SUMF1: variants seen among roughly 807,000 people sequenced by gnomAD.
The protein encoded by SUMF1 is sulfatase modifying factor 1, also known as formylglycine-generating enzyme.
SUMF1 carries 48 observed loss-of-function variants against 47.6 expected under a neutral mutation model. The ratio of observed to expected loss-of-function variants is 1.01; its 90% confidence interval spans 0.80 to 1.28. The LOEUF (loss-of-function observed/expected upper bound fraction) is 1.28. Among genes scored for constraint, SUMF1 ranks in the 50% most tolerant of loss-of-function variants. SUMF1 has a pLI of 0.00. For synonymous variants in SUMF1, 230 were observed against 192.1 expected (o/e 1.20, Z -1.63); for missense variants, 571 against 485.4 (o/e 1.18, Z -1.66).
downstream of SUMF1, among the ~76,000 whole-genome samples, chr3:4,358,387 T>C (rs948123452): frequency 1.3e-5 from 2 of 151,930 alleles, no homozygotes; most frequent in Admixed American, 6.6e-5. Context: ...AACAAAACAG[T>C]TTTTTAATAC....
At chr3:4,231,567 G>A (rs1329850507) in intron 8 of SUMF1, among the ~76,000 whole-genome samples, 1 of 152,140 alleles carries the variant, frequency 6.6e-6, no homozygotes, top group Non-Finnish European at 1.5e-5. Flanking sequence ...AGAGGTATCT[G>A]CTATCCTAAT....
chr3:4,209,050 G>A (rs941452798), intron 8 of SUMF1, among the ~76,000 whole-genome samples: 1 of 152,050 alleles, frequency 6.6e-6, no homozygotes, highest in Non-Finnish European at 1.5e-5. Flanking sequence ...AAAAGTTTGT[G>A]TAGAATCAGT....
chr3:4,422,951 G>A (rs1701951808), intron 3 of SUMF1, among the ~76,000 whole-genome samples: 1 of 70,904 alleles, frequency 1.4e-5, no homozygotes, highest in Admixed American at 1.4e-4. Context: ...CACTTCCCCT[G>A]AGTCCCCAAA....
At chr3:4,389,423 G>A (rs931903708) in intron 7 of SUMF1, among the ~76,000 whole-genome samples, 5 of 151,622 alleles carry the variant, frequency 3.3e-5, no homozygotes, top group South Asian at 4.2e-4. Flanking sequence ...TAATTATAAC[G>A]GTGTCTTCTT....
intron 8 of SUMF1, among the ~76,000 whole-genome samples, chr3:4,375,793 A>G (rs968703215): frequency 6.6e-6 from 1 of 152,216 alleles, no homozygotes; most frequent in Non-Finnish European, 1.5e-5. Flanking sequence ...AGTCACTCTA[A>G]CTGATGAAGA....
intron 7 of SUMF1, among the ~76,000 whole-genome samples, chr3:4,404,850 C>T (rs1226198644): frequency 6.6e-6 from 1 of 152,112 alleles, no homozygotes; most frequent in African/African-American, 2.4e-5. Flanking sequence ...CCTCCCCCAG[C>T]CCCCAGCACA....
In SUMF1 at chr3:4,376,235, G is replaced by T; in HGVS notation, c.1014+95C>A. The T allele has an allele frequency of 3.5e-6, 5 of 1,443,230 alleles. No individual in the cohort carries two copies. The South Asian group carries it at 4.6e-5, about 13-fold the overall frequency. 89.4% of individuals were successfully genotyped at this position (1,443,230 alleles called of 1,614,324 possible). A position where few individuals can be genotyped will look rare whatever the true frequency, so the allele number is the denominator to read the frequency against. ...CAGTGGGGTTAGGTAGGCATTTGCA[G>T]AAGTGAATGAGACATTTGGGGCTAT... On this transcript the variant is annotated intron_variant, in intron 8 of 8. Coordinates refer to ENST00000272902, the MANE Select transcript of SUMF1 (RefSeq NM_182760.4).
chr3:4,255,093 C>T (rs1367549531), intron 8 of SUMF1, among the ~76,000 whole-genome samples: 1 of 150,348 alleles, frequency 6.7e-6, no homozygotes, highest in African/African-American at 2.4e-5. Flanking sequence ...CAGGCCTGCC[C>T]TAAAAGAGCT....
At chr3:4,433,298 A>C (rs1006701476) in intron 3 of SUMF1, among the ~76,000 whole-genome samples, 2 of 152,176 alleles carry the variant, frequency 1.3e-5, no homozygotes, top group Admixed American at 1.3e-4. Flanking sequence ...TCAAATCTGC[A>C]CCTCTGGGAC....
chr3:4,042,032 A>G (rs934071105), intron 9 of SUMF1, among the ~76,000 whole-genome samples: 10 of 152,218 alleles, frequency 6.6e-5, no homozygotes, highest in African/African-American at 2.4e-4. Context: ...AAAGTATACT[A>G]GGAGAAAATT....
intron 2 of SUMF1, among the ~76,000 whole-genome samples, chr3:4,450,370 T>C (rs1186357409): frequency 6.6e-6 from 1 of 152,190 alleles, no homozygotes; most frequent in African/African-American, 2.4e-5. Context: ...TAGATGAAAT[T>C]AACTGAGTAC....
At chr3:4,413,563 C>T (rs1009887444) in intron 6 of SUMF1, among the ~76,000 whole-genome samples, 1 of 152,046 alleles carries the variant, frequency 6.6e-6, no homozygotes, top group Non-Finnish European at 1.5e-5. Context: ...ACTAAAGCTT[C>T]CTCTCAGGAA....
chr3:4,214,386 T>C (rs771566012), intron 8 of SUMF1, among the ~76,000 whole-genome samples: 3 of 152,142 alleles, frequency 2.0e-5, no homozygotes, highest in Non-Finnish European at 4.4e-5. Context: ...TGTACTAGAA[T>C]ATCTGGGACA....
intron 8 of SUMF1, among the ~76,000 whole-genome samples, chr3:4,259,167 G>A (rs1428158936): frequency 6.6e-6 from 1 of 151,076 alleles, no homozygotes; most frequent in Non-Finnish European, 1.5e-5. Flanking sequence ...AATGCTAGAT[G>A]ACGAGTTAGT....
Position 4,300,806 on chromosome 3 carries a change from T to G in SUMF1, c.1014+75524A>C, listed in dbSNP as rs1297897674. On this transcript the variant is annotated intron_variant and NMD_transcript_variant, in intron 8 of 12. Coordinates refer to the SUMF1 transcript ENST00000448413. Reference sequence around the variant, plus strand: ...CTATCCTTTAGTTCCCACCCCACTTTAAAGACACCAAAACTGGAACTCAGA... The same window carrying G: ...CTATCCTTTAGTTCCCACCCCACTTGAAAGACACCAAAACTGGAACTCAGA... Among the ~76,000 whole-genome samples the G allele has an allele frequency of 2.0e-5, 3 of 152,126 alleles. No individual in the cohort carries two copies. In the South Asian group the frequency reaches 6.2e-4, roughly 32 times the overall value.
chr3:4,101,714 T>C (rs747636246), intron 8 of SUMF1, among the ~76,000 whole-genome samples: 1 of 152,308 alleles, frequency 6.6e-6, no homozygotes, highest in African/African-American at 2.4e-5. Flanking sequence ...ATTTGTTTCA[T>C]AGAGCTATAG....
At chr3:4,137,548 C>T (rs1693967890) in intron 8 of SUMF1, among the ~76,000 whole-genome samples, 1 of 152,054 alleles carries the variant, frequency 6.6e-6, no homozygotes, top group Non-Finnish European at 1.5e-5. Flanking sequence ...GTACAGCACA[C>T]CAACATGGCA....
At chr3:4,341,818 T>C (rs1005493867) in intron 8 of SUMF1, among the ~76,000 whole-genome samples, 2 of 152,236 alleles carry the variant, frequency 1.3e-5, no homozygotes, top group African/African-American at 4.8e-5. Flanking sequence ...ACCTAGACAC[T>C]GTCACAAAAT....
In SUMF1 at chr3:4,210,646, TG is replaced by T. The variant is rs1453000012; in HGVS notation, c.1015-141902del. On this transcript the variant is annotated intron_variant and NMD_transcript_variant, in intron 8 of 12. Transcript: ENST00000448413. ...TTTAACTTTTAAGTTCAGGGGTATA[TG>T]TGCATGTTTTTTACACAGGTAAACT... 2.6e-5 allele frequency among the ~76,000 whole-genome samples: 4 copies of T among 152,132 alleles called. No individual in the cohort carries two copies. The East Asian group carries it at 7.7e-4, about 29-fold the overall frequency.
Sources: allele counts gnomAD v4.1 joint callset (sites outside exome capture counted in the v4.1 genomes callset), GRCh38; gene constraint gnomAD v4.1.1; transcripts MANE v1.5; gene names NCBI Gene and HGNC (gene_info 2026-07-23, HGNC 2026-07-21).